KCNN2: variants seen among roughly 807,000 people sequenced by gnomAD.
The protein encoded by KCNN2 is small conductance calcium-activated potassium channel protein 2.
Under a neutral mutation model 55.5 loss-of-function variants are expected in KCNN2, and 24 were observed. That is an observed-to-expected ratio of 0.43 (90% CI 0.31 to 0.61). The LOEUF is 0.61. KCNN2 is among the 20% of genes least tolerant of loss of function. KCNN2 has a pLI of 0.08. For synonymous variants in KCNN2, 431 were observed against 336.1 expected, an observed-to-expected ratio of 1.28 and a Z score of -3.09; for missense variants, 754 against 853.6, an observed-to-expected ratio of 0.88 and a Z score of 1.45.
intron 6 of KCNN2, 118 bp downstream of exon 6, chr5:114,487,295 G>GAT: frequency 1.1e-6 from 1 of 894,758 alleles, no homozygotes; most frequent in Non-Finnish European, 1.7e-6. Flanking sequence ...TTTATTCCCA[G>GAT]AAGATGTTAT....
chr5:114,072,217 A>T (rs1309427283), intron 1 of KCNN2, among the ~76,000 whole-genome samples: 1 of 152,030 alleles, frequency 6.6e-6, no homozygotes, highest in Non-Finnish European at 1.5e-5. Flanking sequence ...GCTGGAACCC[A>T]GGAGGCAGAG....
chr5:114,241,804 A>ATATG (rs1561537246), intron 2 of KCNN2, among the ~76,000 whole-genome samples: 472 of 22,960 alleles, frequency 0.021, 101 homozygotes, highest in African/African-American at 0.071. Context: ...GTATATATAT[A>ATATG]CGTATATATA....
At position 114,496,329 on chromosome 5, in the gene KCNN2, C is replaced by A; in HGVS notation, c.*147C>A. On this transcript the variant is annotated 3_prime_UTR_variant, in exon 8 of 8. Transcript: ENST00000673685. ...GGAACCTGAACACTAAGTTTTAGGC[C>A]AAAATGAGTGAAAACTCTTTTTTTT... The A allele has an allele frequency of 1.3e-6, 1 of 793,330 alleles. No individual in the cohort carries two copies. Among genetic ancestry groups the A allele is most frequent in the Non-Finnish European group, 1.9e-6 (1 of 517,312 alleles). 49.1% of individuals were successfully genotyped at this position (793,330 alleles called of 1,614,324 possible).
At position 114,486,932 on chromosome 5, in the gene KCNN2, G is replaced by A. The variant is rs1162148999; in HGVS notation, c.1891-118G>A. 2.3e-6 allele frequency: 3 copies of A among 1,296,744 alleles called. No homozygotes were observed. In the African/African-American group the frequency reaches 4.5e-5, roughly 19 times the overall value. The allele number at this position is 1,296,744 out of a possible 1,614,324, so 80.3% of individuals were successfully genotyped here. On this transcript the variant is annotated intron_variant, in intron 5 of 7. Transcript: ENST00000673685. Reference sequence around the variant, plus strand: ...AAGAAAAATGGTATTTGGAGTCATGGTTACTAAATGAAGCTACAGCTCACC... The same window carrying A: ...AAGAAAAATGGTATTTGGAGTCATGATTACTAAATGAAGCTACAGCTCACC...
chr5:114,463,319 C>T, intron 4 of KCNN2, 129 bp downstream of exon 4: 1 of 668,052 alleles, frequency 1.5e-6, no homozygotes, highest in Non-Finnish European at 2.4e-6. Flanking sequence ...ATAAATAAAT[C>T]AATTTTGTGT....
intron 1 of KCNN2, among the ~76,000 whole-genome samples, chr5:114,207,133 A>G (rs948317361): frequency 1.9e-4 from 29 of 152,236 alleles, no homozygotes; most frequent in African/African-American, 6.5e-4. Flanking sequence ...TGTCTTTGTG[A>G]TGAACTCCCT....
intron 4 of KCNN2, among the ~76,000 whole-genome samples, chr5:114,465,672 G>A (rs1179058109): frequency 1.3e-5 from 2 of 151,940 alleles, no homozygotes; most frequent in Non-Finnish European, 2.9e-5. Context: ...ACACAAAAAT[G>A]TTATATGTAA....
At chr5:114,294,004 T>G (rs1241051483) in intron 2 of KCNN2, among the ~76,000 whole-genome samples, 1 of 152,196 alleles carries the variant, frequency 6.6e-6, no homozygotes, top group Non-Finnish European at 1.5e-5. Context: ...TATTCTCCGA[T>G]GGTAGTTTGT....
chr5:114,090,235 C>A, intron 1 of KCNN2, among the ~76,000 whole-genome samples: 1 of 152,052 alleles, frequency 6.6e-6, no homozygotes, highest in East Asian at 1.9e-4. Context: ...CCAAGTAAAG[C>A]TTTACAGTGG....
chr5:114,400,997 T>A (rs1474403061), intron 2 of KCNN2, among the ~76,000 whole-genome samples: 1 of 151,970 alleles, frequency 6.6e-6, no homozygotes, highest in East Asian at 1.9e-4. Context: ...TTCTTTTTTT[T>A]TTTTCCTAGC....
intron 1 of KCNN2, among the ~76,000 whole-genome samples, chr5:114,159,133 G>A (rs974107852): frequency 2.0e-5 from 3 of 152,220 alleles, no homozygotes; most frequent in Non-Finnish European, 4.4e-5. Context: ...GATATTGGCT[G>A]TGGTTTTGTC....
chr5:114,056,115 A>G, exon 1 of KCNN2: 1 of 368,868 alleles, frequency 2.7e-6, no homozygotes. Context: ...TAGCACAGTC[A>G]GTACCGAAGC....
intron 3 of KCNN2, among the ~76,000 whole-genome samples, 160 bp from the exon 4 acceptor site, chr5:114,462,889 A>T (rs1205223324): frequency 6.6e-6 from 1 of 152,206 alleles, no homozygotes; most frequent in Admixed American, 6.5e-5. Context: ...TGGATTGCTT[A>T]GATGGAACCT....
intron 2 of KCNN2, among the ~76,000 whole-genome samples, chr5:114,330,297 A>C (rs946834731): frequency 1.3e-5 from 2 of 152,192 alleles, no homozygotes; most frequent in African/African-American, 4.8e-5. Flanking sequence ...ACTTCCTACC[A>C]ACAACCTCCA....
intron 1 of KCNN2, among the ~76,000 whole-genome samples, chr5:114,065,114 T>C (rs144022750): frequency 1.1e-4 from 16 of 152,312 alleles, no homozygotes; most frequent in Admixed American, 2.0e-4. Flanking sequence ...ACTTGTAGCG[T>C]CACCTCTACC....
intron 2 of KCNN2, among the ~76,000 whole-genome samples, chr5:114,352,662 A>T (rs1757229609): frequency 6.6e-6 from 1 of 151,576 alleles, no homozygotes; most frequent in Non-Finnish European, 1.5e-5. Context: ...TCTAATTCCC[A>T]TTGTGATTTC....
At chr5:114,239,909 T>G (rs750387715) in intron 2 of KCNN2, among the ~76,000 whole-genome samples, 67 of 152,308 alleles carry the variant, frequency 4.4e-4, no homozygotes, top group Admixed American at 7.8e-4. Flanking sequence ...TCTAAAAATT[T>G]TGAAGTATTA....
chr5:114,426,271 T>G (rs947461320), intron 3 of KCNN2, among the ~76,000 whole-genome samples: 5 of 152,240 alleles, frequency 3.3e-5, no homozygotes, highest in African/African-American at 7.2e-5. Flanking sequence ...TCAAATACTT[T>G]TCTTGTGTCT....
At chr5:114,163,826 A>G (rs897126050) in intron 1 of KCNN2, among the ~76,000 whole-genome samples, 4 of 152,234 alleles carry the variant, frequency 2.6e-5, no homozygotes, top group Non-Finnish European at 4.4e-5. Flanking sequence ...CTTAACATAC[A>G]TAAGTAGCCA....
Sources: gnomAD v4.1 joint callset for allele counts (sites outside exome capture counted in the v4.1 genomes callset) on GRCh38, gnomAD v4.1.1 for gene constraint, MANE v1.5 for transcripts, NCBI Gene and HGNC (gene_info 2026-07-23, HGNC 2026-07-21) for gene names.